The following BDP1 variants were observed in gnomAD, a reference collection of about 807,000 sequenced individuals.
BDP1 encodes the protein transcription factor TFIIIB component B'' homolog.
BDP1 carries 169 observed loss-of-function variants against 266.6 expected under a neutral mutation model. The observed-to-expected ratio is 0.63, with a 90% CI of 0.56 to 0.72. The LOEUF is 0.72. BDP1 is among the 30% of genes least tolerant of loss of function. The pLI is 0.00. For synonymous variants in BDP1, 1,090 were observed against 1,022.4 expected, an observed-to-expected ratio of 1.07 and a Z score of -1.26; for missense variants, 3,015 against 3,053.8, an observed-to-expected ratio of 0.99 and a Z score of 0.30.
chr5:71,461,699 G>C (rs1047306460), intron 2 of BDP1, 118 bp from the exon 3 acceptor site: 1 of 566,040 alleles, frequency 1.8e-6, no homozygotes, highest in Non-Finnish European at 3.2e-6. Flanking sequence ...ACATAATTGG[G>C]GTGAGAATAA....
chr5:71,504,792 A>G (rs1764483495), intron 16 of BDP1, 41 bp downstream of exon 16: 10 of 1,594,766 alleles, frequency 6.3e-6, no homozygotes, highest in Middle Eastern at 3.3e-4. Flanking sequence ...TGGATTTTGT[A>G]AAAAGTTTTA....
chr5:71,456,692 A>G (rs1761211265), intron 1 of BDP1, among the ~76,000 whole-genome samples: 1 of 152,218 alleles, frequency 6.6e-6, no homozygotes, highest in South Asian at 2.1e-4. Flanking sequence ...CAAAATGGGA[A>G]TAATATTGCC....
Position 71,553,299 on chromosome 5 carries a change from C to T in BDP1, c.7179C>T (p.Asp2393=), listed in dbSNP as rs778534406. 3 of 1,612,606 alleles carry T rather than the reference C, an allele frequency of 1.9e-6. No homozygotes were observed. Among genetic ancestry groups the T allele is most frequent in the Non-Finnish European group, 2.5e-6 (3 of 1,179,810 alleles). Residue 2393 remains aspartate, a synonymous_variant, in exon 35 of 39, where the codon GAC becomes GAT. Coordinates refer to ENST00000358731, the MANE Select transcript of BDP1 (RefSeq NM_018429.3). ...AACGTTCACTCACTTTAAGAGATGA[C>T]TGTCAAGAATATACCACTGAGGTAA... ...AKKRSLTLRD[D]CQEYTTEVHS... is the part of the protein sequence containing the mutation.
intron 19 of BDP1, 139 bp downstream of exon 19, chr5:71,513,546 C>T: frequency 1.6e-6 from 1 of 630,302 alleles, no homozygotes; most frequent in South Asian, 2.2e-5. Context: ...TGCTCCCATG[C>T]TTAATGTGCC....
chr5:71,545,265 C>T (rs747775367), intron 32 of BDP1, 46 bp downstream of exon 32: 2 of 1,493,160 alleles, frequency 1.3e-6, no homozygotes, highest in Non-Finnish European at 9.1e-7. Flanking sequence ...GTGTTTTCCT[C>T]CATTTAAAAA....
At chr5:71,569,885 A>C (rs537881580), downstream of BDP1, among the ~76,000 whole-genome samples, 1 of 152,236 alleles carries the variant, frequency 6.6e-6, no homozygotes, top group Non-Finnish European at 1.5e-5. Context: ...AACATTGTTC[A>C]TTCGGACCTG....
chr5:71,523,883 A>G lies in BDP1; in HGVS notation c.5388-56A>G, dbSNP rs958685650. Reference sequence around the variant, plus strand: ...ATTTCACTCTAAAAGTTTGGTTTTCATTAAAATTATCCTTGCATGCATATG... The same window carrying G: ...ATTTCACTCTAAAAGTTTGGTTTTCGTTAAAATTATCCTTGCATGCATATG... On this transcript the variant is annotated intron_variant, in intron 24 of 38. Coordinates refer to ENST00000358731, the MANE Select transcript of BDP1 (RefSeq NM_018429.3). 11 of 1,487,998 alleles carry G rather than the reference A, an allele frequency of 7.4e-6. No individual in the cohort carries two copies. The Admixed American group carries it at 1.1e-4, about 15-fold the overall frequency. The allele number at this position is 1,487,998 out of a possible 1,614,324, so 92.2% of individuals were successfully genotyped here. A position where few individuals can be genotyped will look rare whatever the true frequency, so the allele number is the denominator to read the frequency against.
At position 71,524,050 on chromosome 5, in the gene BDP1, T is replaced by G; in HGVS notation, c.5499T>G (p.His1833Gln). 6.2e-7 allele frequency: 1 copy of G among 1,614,166 alleles called. No homozygotes were observed. The highest frequency in any genetic ancestry group is 8.5e-7 in the Non-Finnish European group (1 of 1,180,038). The change falls in exon 25 of 39, where the codon CAT becomes CAG. Residue 1833 changes from histidine to glutamine, a missense_variant. By Grantham distance (24) the His-to-Gln change is conservative. Transcript: ENST00000358731. Reference sequence around the variant, plus strand: ...GAAATCGTGGTGAAAGGAGAAGTCATAAAAAGTTCAAACCAAATGTCACCA... The same window carrying G: ...GAAATCGTGGTGAAAGGAGAAGTCAGAAAAAGTTCAAACCAAATGTCACCA... ...YERNRGERRSHKKFKPNVTRG... is the reference protein window; with the variant it reads ...YERNRGERRSQKKFKPNVTRG...
At chr5:71,548,227 TGTG>T (rs1157928644) in intron 32 of BDP1, among the ~76,000 whole-genome samples, 2 of 152,092 alleles carry the variant, frequency 1.3e-5, no homozygotes, top group African/African-American at 4.8e-5. Context: ...AGGCGGAGGT[TGTG>T]GTGAGCTGAG....
intron 34 of BDP1, among the ~76,000 whole-genome samples, chr5:71,549,960 A>G (rs1055042357): frequency 6.6e-6 from 1 of 152,250 alleles, no homozygotes; most frequent in Non-Finnish European, 1.5e-5. Context: ...AGTTGTGAAA[A>G]TAGTACAGTG....
intron 4 of BDP1, among the ~76,000 whole-genome samples, chr5:71,465,879 TA>T (rs71612562): frequency 0.011 from 1,553 of 146,522 alleles, 9 homozygotes; most frequent in Non-Finnish European, 0.017. Flanking sequence ...AAACTCCATC[TA>T]AAAAAAAAAA....
At chr5:71,516,479 C>T (rs1282920378) in intron 21 of BDP1, among the ~76,000 whole-genome samples, 3 of 151,908 alleles carry the variant, frequency 2.0e-5, no homozygotes, top group Admixed American at 6.6e-5. Flanking sequence ...AGCTATTCAT[C>T]GTAAAATGTT....
At chr5:71,514,886 G>A (rs889199617) in intron 19 of BDP1, 58 bp from the exon 20 acceptor site, 39 of 1,250,662 alleles carry the variant, frequency 3.1e-5, no homozygotes, top group Admixed American at 1.6e-4. Flanking sequence ...TACTTGTAAA[G>A]TTCTTATTTC....
At chr5:71,481,438 C>T (rs1027047227) in intron 7 of BDP1, among the ~76,000 whole-genome samples, 1 of 148,820 alleles carries the variant, frequency 6.7e-6, no homozygotes, top group African/African-American at 2.5e-5. Flanking sequence ...GGCACACGTC[C>T]CCTAGCAATT....
intron 25 of BDP1, among the ~76,000 whole-genome samples, chr5:71,530,238 T>A (rs1337028274): frequency 1.3e-5 from 2 of 152,108 alleles, no homozygotes; most frequent in African/African-American, 4.8e-5. Flanking sequence ...TTCTTTTCTT[T>A]ATTTTTATTT....
At chr5:71,499,666 A>T (rs1415305429) in intron 13 of BDP1, among the ~76,000 whole-genome samples, 1 of 152,100 alleles carries the variant, frequency 6.6e-6, no homozygotes, top group Non-Finnish European at 1.5e-5. Context: ...TGAAACTATT[A>T]ATTTACATTT....
downstream of BDP1, chr5:71,567,970 C>T (rs574719264): frequency 1.9e-4 from 29 of 152,042 alleles, no homozygotes; most frequent in African/African-American, 6.5e-4. Flanking sequence ...AATGAGACCT[C>T]ATCTCTACAA....
chr5:71,559,922 G>C (rs1218248554), intron 36 of BDP1, 60 bp from the exon 37 acceptor site: 23 of 1,547,772 alleles, frequency 1.5e-5, no homozygotes, highest in Non-Finnish European at 2.0e-5. Flanking sequence ...CAAATGCTGG[G>C]ATTACATGGA....
At position 71,510,327 on chromosome 5, in the gene BDP1, G is replaced by A; in HGVS notation, c.3235G>A (p.Glu1079Lys). The change falls in exon 17 of 39, where the codon GAG (glutamate) becomes AAG (lysine). Residue 1079 changes from glutamate to lysine, a missense_variant. Physicochemically the swap from Glu to Lys is moderately conservative, Grantham distance 56. Transcript: ENST00000358731. ...RDSFPRGKTP[E>K]VIDAIEEIEI... ...CAGTTTCCCAAGGGGGAAGACACCA[G>A]AGGTGATTGATGCCATTGAGGAAAT... 1 of 1,613,970 alleles carries A rather than the reference G, an allele frequency of 6.2e-7. No homozygotes were observed. Among genetic ancestry groups the A allele is most frequent in the Non-Finnish European group, 8.5e-7 (1 of 1,179,978 alleles).
Sources: allele counts gnomAD v4.1 joint callset (sites outside exome capture counted in the v4.1 genomes callset), GRCh38; gene constraint gnomAD v4.1.1; transcripts MANE v1.5; gene names NCBI Gene and HGNC (gene_info 2026-07-23, HGNC 2026-07-21).